Variants in CYBA observed in about 807,000 individuals in gnomAD.
The protein encoded by CYBA is cytochrome b-245 alpha chain.
A neutral mutation model predicts 20.8 loss-of-function variants in CYBA; 21 were observed. The ratio of observed to expected loss-of-function variants is 1.01; its 90% CI spans 0.72 to 1.46. The LOEUF is 1.46. CYBA is among the 40% of genes most tolerant of loss of function. The probability of loss-of-function intolerance (pLI) is 0.00; values close to 1 mark genes in which losing one functional copy is unlikely to be tolerated. For missense variants in CYBA, 344 were observed against 287.0 expected (o/e 1.20, Z -1.43); for synonymous variants, 164 against 127.5 (o/e 1.29, Z -1.93).
chr16:88,647,243 A>G, intron 2 of CYBA, 68 bp from the exon 3 acceptor site: 2 of 1,481,466 alleles, frequency 1.4e-6, no homozygotes, highest in Admixed American at 3.5e-5. Flanking sequence ...CCTTTACTGA[A>G]GACAACACAG....
chr16:88,648,141 G>C (rs1321065477), intron 1 of CYBA, 27 bp from the exon 2 acceptor site: 2 of 1,601,168 alleles, frequency 1.2e-6, no homozygotes, highest in Non-Finnish European at 1.7e-6. Flanking sequence ...GTCAGGCACT[G>C]TGGGGCTCCC....
At chr16:88,649,159 G>T (rs72558363) in intron 1 of CYBA, among the ~76,000 whole-genome samples, 2 of 151,202 alleles carry the variant, frequency 1.3e-5, no homozygotes, top group Non-Finnish European at 2.9e-5. Flanking sequence ...GGATGGTCTC[G>T]ATCTCCTGAC....
rs913710383 is a variant in CYBA, at chr16:88,645,092, G to A, written c.369+1024C>T. 19 of 686,380 alleles carry A rather than the reference G, an allele frequency of 2.8e-5. No individual in the cohort carries two copies. The East Asian group carries it at 4.0e-4, about 15-fold the overall frequency. 42.5% of individuals were successfully genotyped at this position (686,380 alleles called of 1,614,324 possible). A position where few individuals can be genotyped will look rare whatever the true frequency, so the allele number is the denominator to read the frequency against. ...TGAGCCCGGCAGGGTGAACGGTGCA[G>A]AGGCTGATGCCTGACCCAGCAATTC... On this transcript the variant is annotated intron_variant, in intron 5 of 5. Transcript: ENST00000261623.
At chr16:88,645,281 G>A (rs563663302) in intron 5 of CYBA, 30 of 702,430 alleles carry the variant, frequency 4.3e-5, no homozygotes, top group Middle Eastern at 2.3e-4. Context: ...GAGTTCTGCC[G>A]GTGGCAGGTC....
intron 4 of CYBA, 22 bp downstream of exon 4, chr16:88,646,733 G>A (rs374701173): frequency 5.0e-6 from 8 of 1,606,958 alleles, no homozygotes; most frequent in Admixed American, 1.7e-5. Context: ...AGCCCTAGAG[G>A]GGGTGCGGGA....
At chr16:88,650,855 G>C in intron 1 of CYBA, 101 bp downstream of exon 1, 2 of 1,308,998 alleles carry the variant, frequency 1.5e-6, no homozygotes, top group Non-Finnish European at 2.1e-6. Flanking sequence ...TGGCCCGCCT[G>C]GCGCCCCACT....
chr16:88,650,294 G>A (rs1027493834), intron 1 of CYBA: 2 of 442,364 alleles, frequency 4.5e-6, no homozygotes, highest in Admixed American at 2.4e-5. Flanking sequence ...TCCCGAGAGG[G>A]TCCATTTCCA....
chr16:88,647,673 C>T (rs1247400248), intron 2 of CYBA: 7 of 393,502 alleles, frequency 1.8e-5, no homozygotes, highest in East Asian at 1.7e-4. Flanking sequence ...TCGCAAGGTC[C>T]GGCTGGGCGG....
intron 5 of CYBA, chr16:88,645,672 G>C (rs1042366768): frequency 1.7e-6 from 1 of 572,300 alleles, no homozygotes; most frequent in East Asian, 2.9e-5. Context: ...ACCAAACGCA[G>C]GTGTCGGCAG....
intron 1 of CYBA, among the ~76,000 whole-genome samples, chr16:88,649,104 A>AT (rs72550705): frequency 0.014 from 2,117 of 150,352 alleles, 28 homozygotes; most frequent in East Asian, 0.044. Context: ...TACCCGGCTA[A>AT]TTTTTTGTAT....
Sources: allele counts gnomAD v4.1 joint callset (sites outside exome capture counted in the v4.1 genomes callset), GRCh38; gene constraint gnomAD v4.1.1; transcripts MANE v1.5; gene names NCBI Gene and HGNC (gene_info 2026-07-23, HGNC 2026-07-21).